The following STRAP variants were observed in gnomAD, a reference collection of about 807,000 sequenced individuals.
STRAP encodes the protein serine/threonine kinase receptor associated protein.
In STRAP, 16 loss-of-function variants were observed where a neutral mutation model predicts 47.0. The observed-to-expected ratio is 0.34, with a 90% CI of 0.23 to 0.52. STRAP has a LOEUF of 0.52. Ranked by LOEUF, STRAP falls within the 20% of genes least tolerant of loss-of-function variation. The pLI is 0.96. For missense variants in STRAP, 293 were observed against 420.0 expected (o/e 0.70, Z 2.64); for synonymous variants, 130 against 142.7 (o/e 0.91, Z 0.63).
At chr12:15,883,446 C>G (rs1002906506) in intron 1 of STRAP, 95 bp from the exon 2 acceptor site, 1 of 1,392,120 alleles carries the variant, frequency 7.2e-7, no homozygotes, top group East Asian at 2.5e-5. Context: ...AATTTTTCCA[C>G]TTTGTCATTG....
intron 6 of STRAP, among the ~76,000 whole-genome samples, 156 bp downstream of exon 6, chr12:15,895,652 G>A (rs1469187232): frequency 1.3e-5 from 2 of 151,994 alleles, no homozygotes; most frequent in Non-Finnish European, 2.9e-5. Flanking sequence ...TGAGGTGGGA[G>A]GATGGCTTGA....
intron 9 of STRAP, among the ~76,000 whole-genome samples, chr12:15,901,608 G>C (rs1189978363): frequency 6.6e-6 from 1 of 152,136 alleles, no homozygotes; most frequent in African/African-American, 2.4e-5. Flanking sequence ...AGAGCAATGA[G>C]AAACCTTTGA....
Position 15,897,926 on chromosome 12 carries a change from C to T in STRAP, c.683C>T (p.Ser228Phe), listed in dbSNP as rs1392972353. 6.3e-7 allele frequency: 1 copy of T among 1,592,240 alleles called. No individual in the cohort carries two copies. The change falls in exon 7 of 10, where the codon TCT (serine) becomes TTT (phenylalanine). Residue 228 changes from serine to phenylalanine, a missense_variant. Coordinates refer to ENST00000419869, the MANE Select transcript of STRAP (RefSeq NM_007178.4). ...KSFEAPATIN[S>F]ASLHPEKEFL... The stretch of plus-strand genomic sequence containing the variant: ...TTTGAAGCTCCTGCAACCATCAATT[C>T]TGCATCTCTTCATCCTGAGAAAGAA...
chr12:15,899,853 C>A, intron 7 of STRAP, 51 bp from the exon 8 acceptor site: 3 of 1,507,130 alleles, frequency 2.0e-6, no homozygotes, highest in Non-Finnish European at 1.8e-6. Flanking sequence ...TTTAGCATAT[C>A]AATATTTAAC....
chr12:15,900,270 G>A (rs931703124), intron 8 of STRAP, among the ~76,000 whole-genome samples: 5 of 151,988 alleles, frequency 3.3e-5, no homozygotes, highest in Non-Finnish European at 5.9e-5. Context: ...GGTGGCTCAC[G>A]CCTGTAATCC....
chr12:15,895,371 T>A lies in STRAP; in HGVS notation c.513T>A (p.His171Gln). The change falls in exon 6 of 10, where the codon CAT becomes CAA. Residue 171 changes from histidine (H) to glutamine (Q), a missense_variant. Coordinates refer to ENST00000419869, the MANE Select transcript of STRAP (RefSeq NM_007178.4). ...CTTTATTTTGCAGACTTTGGGATCA[T>A]GCTACTATGACAGAAGTGAAATCTC... ...ADDKTVRLWD[H>Q]ATMTEVKSLN... 6.3e-6 allele frequency: 10 copies of A among 1,581,030 alleles called. No homozygotes were observed. The highest frequency in any genetic ancestry group is 8.5e-6 in the Non-Finnish European group (10 of 1,169,988).
At chr12:15,883,075 T>C in intron 1 of STRAP, 3 of 1,535,646 alleles carry the variant, frequency 2.0e-6, no homozygotes, top group Non-Finnish European at 2.6e-6. Flanking sequence ...TTATTGCTAT[T>C]TTTGAAGGAG....
chr12:15,889,136 G>GCTT (rs1183087220), intron 2 of STRAP, among the ~76,000 whole-genome samples: 1 of 151,858 alleles, frequency 6.6e-6, no homozygotes, highest in Non-Finnish European at 1.5e-5. Flanking sequence ...CCTTCCTTAA[G>GCTT]CTTTTTTATT....
chr12:15,897,305 T>C (rs77080576), intron 6 of STRAP, among the ~76,000 whole-genome samples: 3 of 152,324 alleles, frequency 2.0e-5, no homozygotes, highest in South Asian at 2.1e-4. Flanking sequence ...GAAGCTGTTA[T>C]TATGCATTGA....
chr12:15,889,123 C>T (rs931064885), intron 2 of STRAP, among the ~76,000 whole-genome samples: 1 of 151,810 alleles, frequency 6.6e-6, no homozygotes, highest in Admixed American at 6.6e-5. Context: ...ACTTTTTTTT[C>T]CCCCTTCCTT....
chr12:15,894,238 C>T lies in STRAP; in HGVS notation c.500+95C>T. The stretch of plus-strand genomic sequence containing the variant: ...ACTTTGGGAGGCGAGCCGGGTGGAT[C>T]ATTAGAGGTCAGGAGTACTAGACCA... On this transcript the variant is annotated intron_variant, in intron 5 of 9. Transcript: ENST00000419869. This position sits in a 1 kb window ranked among gnomAD's most constrained non-coding sequence, Gnocchi z 4.9. 5.5e-6 allele frequency: 5 copies of T among 911,224 alleles called. No homozygotes were observed. The South Asian group carries it at 7.1e-5, about 13-fold the overall frequency. The allele number at this position is 911,224 out of a possible 1,614,324, so 56.4% of individuals were successfully genotyped here. A position where few individuals can be genotyped will look rare whatever the true frequency, so the allele number is the denominator to read the frequency against.
At chr12:15,891,228 T>G (rs1159672839) in intron 4 of STRAP, among the ~76,000 whole-genome samples, 2 of 152,238 alleles carry the variant, frequency 1.3e-5, no homozygotes, top group Non-Finnish European at 2.9e-5. Flanking sequence ...ATGGCAAATT[T>G]TTATCATTAA....
At chr12:15,884,590 C>A (rs2136107033) in intron 2 of STRAP, among the ~76,000 whole-genome samples, 1 of 150,014 alleles carries the variant, frequency 6.7e-6, no homozygotes, top group Non-Finnish European at 1.5e-5. Flanking sequence ...ATACTTTTTA[C>A]TATACAGACA....
At chr12:15,897,857 A>T in intron 6 of STRAP, 25 bp from the exon 7 acceptor site, 1 of 1,473,230 alleles carries the variant, frequency 6.8e-7, no homozygotes, top group Non-Finnish European at 9.0e-7. Context: ...CAAGATTTGT[A>T]AATACTACTT....
chr12:15,901,457 C>G (rs1948102649), intron 9 of STRAP, among the ~76,000 whole-genome samples: 1 of 151,886 alleles, frequency 6.6e-6, no homozygotes, highest in Non-Finnish European at 1.5e-5. Context: ...AGTTCAGAAC[C>G]AAAAAGGAGC....
intron 4 of STRAP, among the ~76,000 whole-genome samples, chr12:15,893,597 A>G (rs1449625561): frequency 2.1e-5 from 3 of 145,672 alleles, no homozygotes; most frequent in African/African-American, 7.4e-5. Flanking sequence ...TATATTATAC[A>G]ATAATATTTG....
At chr12:15,892,975 GT>G (rs1412358494) in intron 4 of STRAP, among the ~76,000 whole-genome samples, 1 of 152,166 alleles carries the variant, frequency 6.6e-6, no homozygotes, top group African/African-American at 2.4e-5. Context: ...TCGGGTATCT[GT>G]TAAGCCCTAT....
chr12:15,895,523 CT>C, intron 6 of STRAP, 27 bp downstream of exon 6: 1 of 1,569,432 alleles, frequency 6.4e-7, no homozygotes, highest in East Asian at 2.3e-5. Flanking sequence ...CTTTCATTTT[CT>C]TTTTTAGGTA....
chr12:15,888,591 G>T lies in STRAP; in HGVS notation c.249-1337G>T, dbSNP rs183812556. Among the ~76,000 whole-genome samples the T allele has an allele frequency of 1.5e-3, 229 of 152,140 alleles. 9 individuals are homozygous for T. In the East Asian group the frequency reaches 0.039, roughly 26 times the overall value. ...GTCTTTCATATTCATTAACCACATT[G>T]CACATGCTATTAATGCTTATCTAGA... On this transcript the variant is annotated intron_variant, in intron 2 of 9. Transcript: ENST00000419869.
Sources: gnomAD v4.1 joint callset for allele counts (sites outside exome capture counted in the v4.1 genomes callset) on GRCh38, gnomAD v4.1.1 for gene constraint, Gnocchi (gnomAD v3.1) non-coding constraint, MANE v1.5 for transcripts, NCBI Gene and HGNC (gene_info 2026-07-23, HGNC 2026-07-21) for gene names.